Variants in HDAC9 observed in about 807,000 individuals in gnomAD.
HDAC9 encodes the protein histone deacetylase 9.
In HDAC9, 41 loss-of-function variants were observed where a neutral mutation model predicts 139.4. That is an observed-to-expected ratio of 0.29 (90% CI 0.23 to 0.38). HDAC9 has a LOEUF of 0.38. HDAC9 is among the 10% of genes least tolerant of loss of function. HDAC9 has a pLI of 1.00. For missense variants in HDAC9, 1,147 were observed against 1,297.0 expected (o/e 0.88, Z 1.78); for synonymous variants, 517 against 476.2 (o/e 1.09, Z -1.12).
chr7:18,538,551 G>C (rs896586887), intron 2 of HDAC9, among the ~76,000 whole-genome samples: 1 of 152,178 alleles, frequency 6.6e-6, no homozygotes, highest in Admixed American at 6.5e-5. Context: ...ACGGCCATGA[G>C]CCTTAATTCC....
At chr7:18,506,662 A>G (rs182640525) in intron 2 of HDAC9, among the ~76,000 whole-genome samples, 37 of 152,298 alleles carry the variant, frequency 2.4e-4, no homozygotes, top group Admixed American at 7.2e-4. Flanking sequence ...CAGGTTAACT[A>G]TAAGTATGGG....
chr7:18,931,515 G>C (rs1014266420), intron 22 of HDAC9, among the ~76,000 whole-genome samples: 1 of 152,132 alleles, frequency 6.6e-6, no homozygotes, highest in Non-Finnish European at 1.5e-5. Flanking sequence ...CATCCAAATA[G>C]TAGTTAAGTG....
At chr7:18,255,418 A>G (rs1237605655) in intron 2 of HDAC9, among the ~76,000 whole-genome samples, 5 of 152,268 alleles carry the variant, frequency 3.3e-5, no homozygotes, top group Admixed American at 6.5e-5. Flanking sequence ...TGTGACAGCC[A>G]TAAGTCAGAC....
chr7:18,191,436 C>G (rs531529937), intron 2 of HDAC9, among the ~76,000 whole-genome samples: 50 of 152,302 alleles, frequency 3.3e-4, no homozygotes, highest in African/African-American at 1.2e-3. Flanking sequence ...AATCATGTTT[C>G]TTTACACGGT....
intron 6 of HDAC9, among the ~76,000 whole-genome samples, chr7:18,628,459 A>G (rs1464097484): frequency 6.6e-6 from 1 of 152,166 alleles, no homozygotes; most frequent in African/African-American, 2.4e-5. Context: ...TTGTTATGAG[A>G]AATATCCTTT....
intron 2 of HDAC9, among the ~76,000 whole-genome samples, chr7:18,561,929 A>G (rs1369881724): frequency 6.6e-6 from 1 of 152,170 alleles, no homozygotes. Flanking sequence ...TTTCGTGTGG[A>G]TGTCTTTTTG....
chr7:18,226,734 C>G (rs1244969618), intron 2 of HDAC9, among the ~76,000 whole-genome samples: 1 of 152,190 alleles, frequency 6.6e-6, no homozygotes, highest in African/African-American at 2.4e-5. Context: ...CTTAACACAT[C>G]TGTGGAATTT....
chr7:18,356,358 GTTTTTTTTT>G (rs5882659), intron 1 of HDAC9, among the ~76,000 whole-genome samples: 23 of 55,162 alleles, frequency 4.2e-4, no homozygotes, highest in Non-Finnish European at 5.6e-4. Flanking sequence ...CAGCACATAG[GTTTTTTTTT>G]TTTTTTTTTT....
intron 1 of HDAC9, among the ~76,000 whole-genome samples, chr7:18,138,561 T>C (rs1306511001): frequency 3.6e-5 from 5 of 137,924 alleles, no homozygotes; most frequent in African/African-American, 9.7e-5. Flanking sequence ...TGTGTGTGTG[T>C]GTGCACATGC....
intron 24 of HDAC9, among the ~76,000 whole-genome samples, chr7:18,969,088 A>G (rs139381748): frequency 7.3e-5 from 11 of 151,648 alleles, no homozygotes; most frequent in African/African-American, 2.2e-4. Flanking sequence ...GCGCGCGTGC[A>G]CAGAGTGCTG....
intron 21 of HDAC9, among the ~76,000 whole-genome samples, chr7:18,856,695 A>G (rs1279752830): frequency 1.1e-4 from 16 of 152,164 alleles, no homozygotes; most frequent in Admixed American, 1.0e-3. Flanking sequence ...GGGAAGAAAA[A>G]CATTTGTGTG....
chr7:18,550,920 C>T (rs1439141893), intron 2 of HDAC9, among the ~76,000 whole-genome samples: 1 of 152,132 alleles, frequency 6.6e-6, no homozygotes, highest in Non-Finnish European at 1.5e-5. Flanking sequence ...CACATGATCT[C>T]AATTATAGTT....
intron 2 of HDAC9, among the ~76,000 whole-genome samples, chr7:18,193,092 G>A (rs1424609750): frequency 1.3e-5 from 2 of 152,106 alleles, no homozygotes; most frequent in African/African-American, 2.4e-5. Flanking sequence ...CTATATTTTT[G>A]TGACCAGAAA....
chr7:18,118,073 C>G (rs1262409436), intron 1 of HDAC9, among the ~76,000 whole-genome samples: 1 of 152,146 alleles, frequency 6.6e-6, no homozygotes, highest in Non-Finnish European at 1.5e-5. Flanking sequence ...ATAATAACAA[C>G]CAACATTTAT....
chr7:18,228,048 A>G lies in HDAC9; in HGVS notation c.25+65699A>G, dbSNP rs1343321173. 3.9e-5 allele frequency among the ~76,000 whole-genome samples: 6 copies of G among 152,320 alleles called. No homozygotes were observed. In the East Asian group the frequency reaches 9.6e-4, roughly 24 times the overall value. ...TAAATCAAAATAAATTTTGCTGGAA[A>G]TGGCATCATGTGAATTGAGTTTCTT... On this transcript the variant is annotated intron_variant, in intron 2 of 12. Transcript: ENST00000417496.
rs577239522 is a variant in HDAC9, at chr7:18,902,476, A to C, written c.2803+27880A>C. ...GTGTTTGAAACCAAACTATGAAAGA[A>C]AAGTATGTGAGTAAAAAAGATTTCC... is the stretch of plus-strand genomic sequence containing the variant. On this transcript the variant is annotated intron_variant, in intron 22 of 25. Transcript: ENST00000686413. 1.6e-4 allele frequency among the ~76,000 whole-genome samples: 24 copies of C among 152,312 alleles called. No individual in the cohort carries two copies. The East Asian group carries it at 4.6e-3, about 29-fold the overall frequency.
chr7:18,291,502 A>C (rs539930526), intron 1 of HDAC9, among the ~76,000 whole-genome samples: 1 of 152,128 alleles, frequency 6.6e-6, no homozygotes, highest in East Asian at 1.9e-4. Context: ...TGCTGGGAAC[A>C]TAGAGTGCTC....
chr7:18,693,648 T>C (rs1782827658), intron 12 of HDAC9, among the ~76,000 whole-genome samples: 1 of 152,114 alleles, frequency 6.6e-6, no homozygotes. Context: ...TTTCACAACT[T>C]CAAGTAGACT....
At chr7:18,239,139 T>G (rs2697910) in intron 2 of HDAC9, among the ~76,000 whole-genome samples, 1 of 150,600 alleles carries the variant, frequency 6.6e-6, no homozygotes, top group Non-Finnish European at 1.5e-5. Context: ...GTTTTTTTTT[T>G]CCCCCTAAAA....
Sources: allele counts gnomAD v4.1 joint callset (sites outside exome capture counted in the v4.1 genomes callset), GRCh38; gene constraint gnomAD v4.1.1; transcripts MANE v1.5; gene names NCBI Gene and HGNC (gene_info 2026-07-23, HGNC 2026-07-21).